The following FCHSD2 variants were observed in gnomAD, a reference collection of about 807,000 sequenced individuals.
FCHSD2 encodes FCH and double SH3 domains 2.
FCHSD2 carries 38 observed loss-of-function variants against 108.1 expected under a neutral mutation model. The observed-to-expected ratio is 0.35, with a 90% confidence interval of 0.27 to 0.46. The LOEUF (loss-of-function observed/expected upper bound fraction) is 0.46, where lower values mean the gene tolerates loss of function less well. Among genes scored for constraint, FCHSD2 ranks in the 20% least tolerant of loss-of-function variants. The pLI, the probability that FCHSD2 is intolerant of heterozygous loss-of-function variation, is 1.00. For synonymous variants in FCHSD2, 279 were observed against 314.7 expected (o/e 0.89, Z 1.20); for missense variants, 751 against 897.8 (o/e 0.84, Z 2.09).
intron 3 of FCHSD2, among the ~76,000 whole-genome samples, chr11:73,043,648 A>G (rs1392832018): frequency 6.6e-6 from 1 of 152,192 alleles, no homozygotes; most frequent in Admixed American, 6.5e-5. Flanking sequence ...CCTCTTTTCC[A>G]AGGCATATAC....
rs929491018 is a variant in FCHSD2 at position 73,068,258 on chromosome 11, G to A, written c.165+15437C>T. Among the ~76,000 whole-genome samples, 7 of 148,660 alleles carry A rather than the reference G, an allele frequency of 4.7e-5. No individual in the cohort carries two copies. The South Asian group carries it at 1.1e-3, about 23-fold the overall frequency. On this transcript the variant is annotated intron_variant, in intron 3 of 19. Transcript: ENST00000409418. Reference sequence around the variant, plus strand: ...AATATGCCATTATGTGCATGTTCTCGCTTGTGAGTGGGAGCTGATCAATGA... The same window carrying A: ...AATATGCCATTATGTGCATGTTCTCACTTGTGAGTGGGAGCTGATCAATGA...
intron 8 of FCHSD2, among the ~76,000 whole-genome samples, chr11:72,967,428 C>CA (rs888071100): frequency 5.4e-5 from 8 of 149,126 alleles, no homozygotes; most frequent in South Asian, 2.1e-4. Flanking sequence ...TATTCAGGTA[C>CA]AAAAAAAAAT....
intron 2 of FCHSD2, among the ~76,000 whole-genome samples, chr11:73,122,068 A>T (rs1259112304): frequency 6.6e-6 from 1 of 152,182 alleles, no homozygotes; most frequent in Non-Finnish European, 1.5e-5. Context: ...ATAGACAAAC[A>T]TAAAGCAAAA....
intron 8 of FCHSD2, among the ~76,000 whole-genome samples, chr11:72,937,384 G>T (rs1051964600): frequency 6.6e-6 from 1 of 152,152 alleles, no homozygotes; most frequent in Admixed American, 6.5e-5. Flanking sequence ...TCAAAGTATT[G>T]AACTGACAGA....
At chr11:72,892,396 T>A (rs1855331638) in intron 10 of FCHSD2, among the ~76,000 whole-genome samples, 1 of 152,182 alleles carries the variant, frequency 6.6e-6, no homozygotes, top group African/African-American at 2.4e-5. Flanking sequence ...AATTAATTTA[T>A]CCTTTTCATG....
chr11:72,946,938 C>T (rs1189682228), intron 8 of FCHSD2, among the ~76,000 whole-genome samples: 1 of 152,124 alleles, frequency 6.6e-6, no homozygotes, highest in Non-Finnish European at 1.5e-5. Flanking sequence ...CACCAGGTGC[C>T]CCTCTTTGTG....
At position 73,058,779 on chromosome 11, in the gene FCHSD2, G is replaced by T. The variant is rs563241373; in HGVS notation, c.165+24916C>A. On this transcript the variant is annotated intron_variant, in intron 3 of 19. Coordinates refer to ENST00000409418, the MANE Select transcript of FCHSD2 (RefSeq NM_014824.3). Reference sequence around the variant, plus strand: ...GATGGGGTTTTACCATGTTGGCCAGGCTGGTCTTGAACTTCTGACCTCAGG... The same window carrying T: ...GATGGGGTTTTACCATGTTGGCCAGTCTGGTCTTGAACTTCTGACCTCAGG... Among the ~76,000 whole-genome samples, 17 of 151,838 alleles carry T rather than the reference G, an allele frequency of 1.1e-4. No homozygotes were observed. In the South Asian group the frequency reaches 3.6e-3, roughly 32 times the overall value.
intron 14 of FCHSD2, among the ~76,000 whole-genome samples, chr11:72,846,049 TA>T (rs1565284843): frequency 8.4e-6 from 1 of 118,566 alleles, no homozygotes; most frequent in Non-Finnish European, 1.7e-5. Context: ...GGATTACAAA[TA>T]AATAGATAGA....
At chr11:72,855,893 T>C (rs1477016853) in intron 13 of FCHSD2, among the ~76,000 whole-genome samples, 1 of 152,214 alleles carries the variant, frequency 6.6e-6, no homozygotes, top group African/African-American at 2.4e-5. Context: ...ACATCTATAC[T>C]CTTTGAACTA....
At chr11:73,135,965 C>T (rs540005083) in intron 2 of FCHSD2, among the ~76,000 whole-genome samples, 11 of 152,060 alleles carry the variant, frequency 7.2e-5, no homozygotes, top group African/African-American at 2.4e-4. Context: ...GAGTTCAAGA[C>T]GAGCCTGGGC....
chr11:73,035,677 C>T (rs1333400679), intron 3 of FCHSD2, among the ~76,000 whole-genome samples: 1 of 150,954 alleles, frequency 6.6e-6, no homozygotes, highest in Admixed American at 6.7e-5. Flanking sequence ...AAGTACTGAA[C>T]AGTACTGAAA....
rs61586562 is a variant in FCHSD2 at position 73,126,339 on chromosome 11, T to TAAAAAAAAAAAA, written c.119+13680_119+13691dup. The stretch of plus-strand genomic sequence containing the variant: ...TGGGCAACAGGGCAAGATTCCATCT[T>TAAAAAAAAAAAA]AAAAAAAAAAAAAAAAAAAAAAAAA... On this transcript the variant is annotated intron_variant, in intron 2 of 19. Coordinates refer to ENST00000409418, the MANE Select transcript of FCHSD2 (RefSeq NM_014824.3). Among the ~76,000 whole-genome samples the TAAAAAAAAAAAA allele has an allele frequency of 2.4e-3, 67 of 27,622 alleles. 1 individual carries two copies. The highest frequency in any genetic ancestry group is 3.8e-3 in the African/African-American group (45 of 11,828). 18.1% of individuals were successfully genotyped at this position (27,622 alleles called of 152,430 possible).
chr11:72,949,920 C>G (rs1339048734), intron 8 of FCHSD2, among the ~76,000 whole-genome samples: 1 of 152,186 alleles, frequency 6.6e-6, no homozygotes, highest in East Asian at 1.9e-4. Flanking sequence ...GGTCATATGA[C>G]AATTCTGTTG....
chr11:73,028,117 C>A lies in FCHSD2; in HGVS notation c.166-12232G>T, dbSNP rs116356495. Among the ~76,000 whole-genome samples the A allele has an allele frequency of 4.1e-3, 624 of 152,294 alleles. 2 individuals are homozygous for A. Among genetic ancestry groups the A allele is most frequent in the African/African-American group, 0.014 (592 of 41,548 alleles). On this transcript the variant is annotated intron_variant, in intron 3 of 19. Transcript: ENST00000409418. ...AGAATGCTCACAGGGGCACTGCCTA[C>A]TGGAGGGGTGAGAAGAGAGCCACCA...
intron 10 of FCHSD2, among the ~76,000 whole-genome samples, chr11:72,897,217 T>C (rs1386943542): frequency 6.6e-6 from 1 of 152,074 alleles, no homozygotes; most frequent in South Asian, 2.1e-4. Context: ...TAGTATCCTA[T>C]TTAATTTTCA....
intron 8 of FCHSD2, among the ~76,000 whole-genome samples, chr11:72,933,509 A>G (rs1020573204): frequency 6.6e-6 from 1 of 152,186 alleles, no homozygotes; most frequent in African/African-American, 2.4e-5. Flanking sequence ...GTTTTGCCTA[A>G]GCTACTTTGA....
chr11:72,883,412 A>G (rs1197977277), intron 12 of FCHSD2, among the ~76,000 whole-genome samples: 1 of 152,240 alleles, frequency 6.6e-6, no homozygotes, highest in Non-Finnish European at 1.5e-5. Flanking sequence ...GTACCTAAAA[A>G]ATGACTAGTA....
chr11:72,869,477 A>C (rs1854804192), intron 12 of FCHSD2: 1 of 151,764 alleles, frequency 6.6e-6, no homozygotes, highest in Non-Finnish European at 1.5e-5. Context: ...AGAGACAGAG[A>C]ACATGAACAA....
At chr11:73,096,656 T>C (rs375307992) in intron 2 of FCHSD2, among the ~76,000 whole-genome samples, 1 of 152,122 alleles carries the variant, frequency 6.6e-6, no homozygotes, top group South Asian at 2.1e-4. Context: ...GGTGCATCCT[T>C]GTGTTCTTCC....
Sources: allele counts gnomAD v4.1 joint callset (sites outside exome capture counted in the v4.1 genomes callset), GRCh38; gene constraint gnomAD v4.1.1; transcripts MANE v1.5; gene names NCBI Gene and HGNC (gene_info 2026-07-23, HGNC 2026-07-21).